DOCK3: variants seen among roughly 807,000 people sequenced by gnomAD.
DOCK3 encodes dedicator of cytokinesis 3, also known as dedicator of cytokinesis protein 3.
DOCK3 carries 60 observed loss-of-function variants against 265.6 expected under a neutral mutation model. The ratio of observed to expected loss-of-function variants is 0.23; its 90% confidence interval spans 0.18 to 0.28. The LOEUF is 0.28. Ranked by LOEUF, DOCK3 falls within the 10% of genes least tolerant of loss-of-function variation. The probability of loss-of-function intolerance (pLI) is 1.00; values close to 1 mark genes in which losing one functional copy is unlikely to be tolerated. For missense variants in DOCK3, 1,981 were observed against 2,594.3 expected (o/e 0.76, Z 5.14); for synonymous variants, 881 against 938.0 (o/e 0.94, Z 1.11).
rs754699856 is a variant in DOCK3 at position 51,341,288 on chromosome 3, G to A, written c.3818G>A (p.Arg1273Gln). ...LYCELLQWEDRPLREFLHYPS... is the reference protein window; with the variant it reads ...LYCELLQWEDQPLREFLHYPS... ...TGTGAGCTGCTGCAGTGGGAGGACC[G>A]GCCACTACGGGAATTCCTCCACTAC... The change falls in exon 38 of 53, where the codon CGG becomes CAG. Residue 1273 changes from arginine to glutamine, a missense_variant. Transcript: ENST00000266037. 2.4e-5 allele frequency: 38 copies of A among 1,610,208 alleles called. 1 individual carries two copies. In the Admixed American group the frequency reaches 2.5e-4, roughly 11 times the overall value.
intron 43 of DOCK3, 131 bp downstream of exon 43, chr3:51,356,624 C>A (rs1428477538): frequency 1.2e-6 from 1 of 866,342 alleles, no homozygotes. Context: ...CACAGGTCAA[C>A]CCTGTGCTAG....
intron 5 of DOCK3, among the ~76,000 whole-genome samples, chr3:50,963,329 T>TAG (rs879851944): frequency 6.6e-6 from 1 of 152,236 alleles, no homozygotes; most frequent in Non-Finnish European, 1.5e-5. Context: ...TTCTGTCCTG[T>TAG]CATTCTGATT....
chr3:50,736,485 C>A (rs1576286088), intron 1 of DOCK3, among the ~76,000 whole-genome samples: 1 of 152,174 alleles, frequency 6.6e-6, no homozygotes, highest in South Asian at 2.1e-4. Flanking sequence ...CACTGTCTTC[C>A]ATAATGGTTG....
intron 1 of DOCK3, among the ~76,000 whole-genome samples, chr3:50,720,278 C>T (rs918042411): frequency 6.6e-6 from 1 of 151,968 alleles, no homozygotes; most frequent in Non-Finnish European, 1.5e-5. Flanking sequence ...TTTCTATTTT[C>T]ACCCTCCTCC....
chr3:51,382,347 C>T lies in DOCK3; in HGVS notation c.*788C>T, dbSNP rs2088703225. ...GACTGGATCTGCAAGGGTTATCTCC[C>T]GCCCTCTGGGGTTTGAGTGGAGGTA... On this transcript the variant is annotated 3_prime_UTR_variant, in exon 53 of 53. Transcript: ENST00000266037. The T allele has an allele frequency of 6.6e-6, 1 of 152,508 alleles. No individual in the cohort carries two copies. Among genetic ancestry groups the T allele is most frequent in the Non-Finnish European group, 1.5e-5 (1 of 68,070 alleles). 9.4% of individuals were successfully genotyped at this position (152,508 alleles called of 1,614,324 possible). A position where few individuals can be genotyped will look rare whatever the true frequency, so the allele number is the denominator to read the frequency against.
intron 9 of DOCK3, among the ~76,000 whole-genome samples, chr3:51,117,393 G>A (rs985014459): frequency 6.6e-6 from 1 of 151,988 alleles, no homozygotes; most frequent in Admixed American, 6.6e-5. Flanking sequence ...TTTTTGCATC[G>A]ATGTTCATCA....
intron 3 of DOCK3, among the ~76,000 whole-genome samples, chr3:50,849,134 A>G (rs2046234554): frequency 6.6e-6 from 1 of 151,976 alleles, no homozygotes; most frequent in Non-Finnish European, 1.5e-5. Flanking sequence ...TCCCAAGCTC[A>G]AGCGGCCCCT....
chr3:51,380,249 G>C (rs2088515739), intron 52 of DOCK3, 42 bp downstream of exon 52: 4 of 1,563,198 alleles, frequency 2.6e-6, no homozygotes, highest in Admixed American at 1.7e-5. Flanking sequence ...TGTGAGATGA[G>C]TCATCTCGTC....
chr3:51,326,732 C>G (rs960238003), intron 32 of DOCK3, among the ~76,000 whole-genome samples: 13 of 151,914 alleles, frequency 8.6e-5, no homozygotes, highest in Non-Finnish European at 1.6e-4. Flanking sequence ...AGCAATTCTC[C>G]TGCCTCAGCC....
At chr3:51,226,296 G>C (rs1189779650) in intron 15 of DOCK3, among the ~76,000 whole-genome samples, 2 of 152,184 alleles carry the variant, frequency 1.3e-5, no homozygotes, top group Non-Finnish European at 2.9e-5. Flanking sequence ...GAAGACTTCA[G>C]TGCTGTTTTT....
intron 4 of DOCK3, among the ~76,000 whole-genome samples, chr3:50,930,349 GC>G (rs2050990813): frequency 1.3e-5 from 2 of 152,300 alleles, no homozygotes; most frequent in South Asian, 4.1e-4. Context: ...CAGATCCACA[GC>G]CCCCGCCTTG....
chr3:51,202,834 T>C (rs553542289), intron 12 of DOCK3, among the ~76,000 whole-genome samples: 2 of 151,358 alleles, frequency 1.3e-5, no homozygotes, highest in Admixed American at 6.5e-5. Context: ...TCAAGTGGGC[T>C]TCATGCTGGG....
rs2084419182 is a variant in DOCK3 at position 51,129,594 on chromosome 3, G to A, written c.747-16955G>A. On this transcript the variant is annotated intron_variant, in intron 9 of 52. Transcript: ENST00000266037. ...GTCAGAAAGCACCCAGCTCATGATA[G>A]GCCATTGAGGTCGCATGGTGACTTA... is the stretch of plus-strand genomic sequence containing the variant. Among the ~76,000 whole-genome samples, 5 of 152,178 alleles carry A rather than the reference G, an allele frequency of 3.3e-5. No individual in the cohort carries two copies. In the South Asian group the frequency reaches 1.0e-3, roughly 32 times the overall value.
chr3:51,264,391 C>T (rs1425498571), intron 23 of DOCK3, among the ~76,000 whole-genome samples: 1 of 152,180 alleles, frequency 6.6e-6, no homozygotes, highest in Non-Finnish European at 1.5e-5. Flanking sequence ...CTCTGGGACA[C>T]AGCTAAAGCA....
chr3:51,265,606 A>G (rs537873587), intron 23 of DOCK3, among the ~76,000 whole-genome samples: 1 of 152,226 alleles, frequency 6.6e-6, no homozygotes, highest in Non-Finnish European at 1.5e-5. Flanking sequence ...AAACTACTTT[A>G]TTATCTCAAT....
chr3:50,933,634 A>G (rs904396184), intron 4 of DOCK3, among the ~76,000 whole-genome samples: 2 of 152,160 alleles, frequency 1.3e-5, no homozygotes, highest in Admixed American at 1.3e-4. Flanking sequence ...GTTAAAGGTC[A>G]TAAATAATTT....
rs537445195 is a variant in DOCK3, at chr3:50,992,340, C to T, written c.315+58263C>T. Among the ~76,000 whole-genome samples, 32 of 152,334 alleles carry T rather than the reference C, an allele frequency of 2.1e-4. No individual in the cohort carries two copies. The East Asian group carries it at 5.6e-3, about 27-fold the overall frequency. ...TGAGATGGAGTCTGTCTTTGTCACT[C>T]AGGCTTGTGTGAAGTGGCGTGATCT... is the stretch of plus-strand genomic sequence containing the variant. On this transcript the variant is annotated intron_variant, in intron 5 of 52. Transcript: ENST00000266037.
intron 1 of DOCK3, among the ~76,000 whole-genome samples, chr3:50,729,949 G>C (rs565669969): frequency 9.3e-5 from 14 of 150,650 alleles, no homozygotes; most frequent in Non-Finnish European, 1.9e-4. Flanking sequence ...CTCCCGACTA[G>C]TTGGGATTAC....
intron 5 of DOCK3, among the ~76,000 whole-genome samples, chr3:51,030,383 C>T (rs1272682824): frequency 6.6e-6 from 1 of 152,082 alleles, no homozygotes; most frequent in African/African-American, 2.4e-5. Context: ...GCATGCTGTC[C>T]TCTTCCCCTA....
Sources: allele counts gnomAD v4.1 joint callset (sites outside exome capture counted in the v4.1 genomes callset), GRCh38; gene constraint gnomAD v4.1.1; transcripts MANE v1.5; gene names NCBI Gene and HGNC (gene_info 2026-07-23, HGNC 2026-07-21).